Variants in SLC22A23 observed in about 807,000 individuals in gnomAD.
SLC22A23 encodes solute carrier family 22 member 23, also known as ion transporter protein.
A neutral mutation model predicts 61.0 loss-of-function variants in SLC22A23; 26 were observed. The ratio of observed to expected loss-of-function variants is 0.43; its 90% CI spans 0.31 to 0.59. The LOEUF (loss-of-function observed/expected upper bound fraction) is 0.59, where lower values mean the gene tolerates loss of function less well. Ranked by LOEUF, SLC22A23 falls within the 20% of genes least tolerant of loss-of-function variation. SLC22A23 has a pLI of 0.11. For missense variants in SLC22A23, 796 were observed against 934.7 expected, an observed-to-expected ratio of 0.85 and a Z score of 1.94; for synonymous variants, 430 against 413.9, an observed-to-expected ratio of 1.04 and a Z score of -0.47.
intron 3 of SLC22A23, among the ~76,000 whole-genome samples, chr6:3,350,300 C>T (rs1764689606): frequency 6.6e-6 from 1 of 152,202 alleles, no homozygotes; most frequent in Non-Finnish European, 1.5e-5. Flanking sequence ...CTATGACCCT[C>T]GGGCCAAATC....
At chr6:3,320,539 G>A (rs1376883040) in intron 4 of SLC22A23, among the ~76,000 whole-genome samples, 1 of 152,340 alleles carries the variant, frequency 6.6e-6, no homozygotes, top group East Asian at 1.9e-4. Flanking sequence ...AGGAAAGCAA[G>A]CAACTTTCAA....
chr6:3,354,111 A>G (rs1040169643), intron 3 of SLC22A23, among the ~76,000 whole-genome samples: 1 of 152,196 alleles, frequency 6.6e-6, no homozygotes, highest in Non-Finnish European at 1.5e-5. Flanking sequence ...TGGTGATCAC[A>G]TGTGTTTTCT....
At chr6:3,391,477 T>C (rs981304320) in intron 3 of SLC22A23, among the ~76,000 whole-genome samples, 2 of 152,242 alleles carry the variant, frequency 1.3e-5, no homozygotes, top group African/African-American at 4.8e-5. Flanking sequence ...CATATGTATA[T>C]CTATTCTGCA....
chr6:3,325,158 G>A (rs757224769), intron 3 of SLC22A23, among the ~76,000 whole-genome samples: 1 of 152,212 alleles, frequency 6.6e-6, no homozygotes, highest in Non-Finnish European at 1.5e-5. Flanking sequence ...ACCCTTCGGA[G>A]AGAACACTTT....
chr6:3,411,662 T>C (rs1769258778), intron 2 of SLC22A23, among the ~76,000 whole-genome samples: 1 of 152,128 alleles, frequency 6.6e-6, no homozygotes, highest in South Asian at 2.1e-4. Flanking sequence ...GGCCTTACCC[T>C]ATAGAGATAG....
At chr6:3,377,542 G>C (rs1766655086) in intron 3 of SLC22A23, among the ~76,000 whole-genome samples, 1 of 152,240 alleles carries the variant, frequency 6.6e-6, no homozygotes, top group Admixed American at 6.5e-5. Context: ...TCTGTGGGCA[G>C]CATGAAGGCA....
intron 3 of SLC22A23, among the ~76,000 whole-genome samples, chr6:3,338,117 G>A (rs1001366477): frequency 2.0e-5 from 3 of 152,092 alleles, no homozygotes; most frequent in South Asian, 4.1e-4. Flanking sequence ...TATATTTACC[G>A]TCCCACAATT....
intron 6 of SLC22A23, 145 bp from the exon 7 acceptor site, chr6:3,287,236 G>A (rs951306255): frequency 6.4e-5 from 45 of 707,098 alleles, no homozygotes; most frequent in Non-Finnish European, 1.0e-4. Flanking sequence ...ACCGAACCAC[G>A]AGCAGATTAC....
chr6:3,282,295 T>C, intron 9 of SLC22A23: 1 of 702,524 alleles, frequency 1.4e-6, no homozygotes, highest in Non-Finnish European at 2.6e-6. Context: ...CTAAATAAGC[T>C]CCTGACTCAT....
rs1456586105 is a variant in SLC22A23, at chr6:3,327,571, CT to C, written c.914-3570del. Among the ~76,000 whole-genome samples the C allele has an allele frequency of 6.6e-6, 1 of 152,220 alleles. No homozygotes were observed. The highest frequency in any genetic ancestry group is 2.4e-5 in the African/African-American group (1 of 41,460). ...TAGCTAGAGTGCCCAAGTTCAAATC[CT>C]GCTCCTGGTACATAGAAGCTGTGAC... On this transcript the variant is annotated intron_variant, in intron 3 of 9. Coordinates refer to ENST00000406686, the MANE Select transcript of SLC22A23 (RefSeq NM_015482.2). The surrounding 1 kb of genome is among the most constrained non-coding windows in gnomAD (Gnocchi z 4.1).
chr6:3,297,683 A>G lies in SLC22A23; in HGVS notation c.1210+408T>C, dbSNP rs1283682743. Among the ~76,000 whole-genome samples the G allele has an allele frequency of 6.6e-6, 1 of 152,216 alleles. No homozygotes were observed. The highest frequency in any genetic ancestry group is 1.9e-4 in the East Asian group (1 of 5,194). On this transcript the variant is annotated intron_variant, in intron 5 of 9. Coordinates refer to ENST00000406686, the MANE Select transcript of SLC22A23 (RefSeq NM_015482.2). The surrounding 1 kb of genome is among the most constrained non-coding windows in gnomAD (Gnocchi z 4.3). ...CAACAAATAGGTCATGGCCAGGTAA[A>G]GACAATGGTGGCTCTCTGAAGGTCA...
chr6:3,334,229 T>G (rs1347130215), intron 3 of SLC22A23, among the ~76,000 whole-genome samples: 4 of 152,222 alleles, frequency 2.6e-5, no homozygotes, highest in Non-Finnish European at 4.4e-5. Context: ...TGGCACAATC[T>G]TGGCTCATTG....
At chr6:3,378,710 T>C (rs1223685828) in intron 3 of SLC22A23, among the ~76,000 whole-genome samples, 6 of 140,562 alleles carry the variant, frequency 4.3e-5, no homozygotes, top group Non-Finnish European at 9.0e-5. Flanking sequence ...CAGGCTGGAG[T>C]GCAATGGCGT....
rs141938467 is a variant in SLC22A23, at chr6:3,364,452, TA to T, written c.914-40451del. Among the ~76,000 whole-genome samples, 308 of 151,644 alleles carry T rather than the reference TA, an allele frequency of 2.0e-3. 2 individuals carry two copies. Among genetic ancestry groups the T allele is most frequent in the South Asian group, 8.6e-3 (41 of 4,788 alleles). On this transcript the variant is annotated intron_variant, in intron 3 of 9. Coordinates refer to ENST00000406686, the MANE Select transcript of SLC22A23 (RefSeq NM_015482.2). The stretch of plus-strand genomic sequence containing the variant: ...AGATTTTTTATATTTGTTCCCTCCT[TA>T]AAAAAAAATTCATTCCCTTCTTTAA...
At chr6:3,453,849 A>G (rs1223221047) in intron 1 of SLC22A23, among the ~76,000 whole-genome samples, 1 of 152,184 alleles carries the variant, frequency 6.6e-6, no homozygotes, top group Non-Finnish European at 1.5e-5. Context: ...GTGGGCTGAC[A>G]AGCACCTGAC....
At position 3,273,021 on chromosome 6, in the gene SLC22A23, C is replaced by A; in HGVS notation, c.*34G>T. The A allele has an allele frequency of 6.6e-7, 1 of 1,506,518 alleles. No homozygotes were observed. The highest frequency in any genetic ancestry group is 1.3e-5 in the South Asian group (1 of 76,996). 93.3% of individuals were successfully genotyped at this position (1,506,518 alleles called of 1,614,324 possible). On this transcript the variant is annotated 3_prime_UTR_variant, in exon 10 of 10. Transcript: ENST00000406686. The stretch of plus-strand genomic sequence containing the variant: ...TCTGTAAACCTGTGCCCAAGCTGCC[C>A]CAGACCCTGGAGCCCCGGGTTCCGC...
intron 1 of SLC22A23, among the ~76,000 whole-genome samples, chr6:3,429,106 G>A (rs1021014860): frequency 1.3e-5 from 2 of 152,142 alleles, no homozygotes; most frequent in Admixed American, 1.3e-4. Context: ...TGTGAACACA[G>A]TGCAAAATTA....
At chr6:3,426,966 A>G (rs943188826) in intron 1 of SLC22A23, among the ~76,000 whole-genome samples, 1 of 152,212 alleles carries the variant, frequency 6.6e-6, no homozygotes, top group Non-Finnish European at 1.5e-5. Flanking sequence ...AGGGCATCGC[A>G]TGGTAAGCGA....
At chr6:3,408,923 C>T (rs1769012937) in intron 3 of SLC22A23, among the ~76,000 whole-genome samples, 1 of 152,258 alleles carries the variant, frequency 6.6e-6, no homozygotes, top group Admixed American at 6.5e-5. Flanking sequence ...AAGGGATTGC[C>T]TGAGGGCAGG....
Sources: gnomAD v4.1 joint callset for allele counts (sites outside exome capture counted in the v4.1 genomes callset) on GRCh38, gnomAD v4.1.1 for gene constraint, Gnocchi (gnomAD v3.1) non-coding constraint, MANE v1.5 for transcripts, NCBI Gene and HGNC (gene_info 2026-07-23, HGNC 2026-07-21) for gene names.